TAF10: variants seen among roughly 807,000 people sequenced by gnomAD.
TAF10 encodes transcription initiation factor TFIID subunit 10.
In TAF10, 2 loss-of-function variants were observed where a neutral mutation model predicts 18.1. That is an observed-to-expected ratio of 0.11 (90% CI 0.05 to 0.35). The LOEUF is 0.35. Among genes scored for constraint, TAF10 ranks in the 10% least tolerant of loss-of-function variants. The pLI is 1.00. For synonymous variants in TAF10, 158 were observed against 134.6 expected (o/e 1.17, Z -1.20); for missense variants, 293 against 306.9 (o/e 0.95, Z 0.34).
In TAF10 at chr11:6,610,153, CAGA is replaced by C. The variant is rs1855357990; in HGVS notation, c.*766_*768del. 2.5e-6 allele frequency: 4 copies of C among 1,614,092 alleles called. No homozygotes were observed. Among genetic ancestry groups the C allele is most frequent in the Non-Finnish European group, 3.4e-6 (4 of 1,180,046 alleles). ...GACAAGCCCTATCTCTCCAGCTCTG[CAGA>C]AGAAGCCTGAAGACACAAACAGACG... On this transcript the variant is annotated 3_prime_UTR_variant, in exon 5 of 5. Coordinates refer to ENST00000299424, the MANE Select transcript of TAF10 (RefSeq NM_006284.4).
Position 6,611,236 on chromosome 11 carries a change from A to G in TAF10, c.520T>C (p.Cys174Arg). 6.2e-7 allele frequency: 1 copy of G among 1,614,120 alleles called. No homozygotes were observed. The highest frequency in any genetic ancestry group is 8.5e-7 in the Non-Finnish European group (1 of 1,180,038). ...CCGGAGGCCGTGCCCTTCATTTTGC[A>G]GTGCTGTAGGGCATCATTGGCAATA... ...SDIANDALQH[C>R]KMKGTASGSS... Residue 174 changes from cysteine (C) to arginine (R), a missense_variant, in exon 4 of 5, where the codon TGC (cysteine) becomes CGC (arginine). Transcript: ENST00000299424.
Position 6,612,177 on chromosome 11 carries a change from CG to C in TAF10, c.12del (p.Ser4ArgfsTer104). ...GCCGCCTCGGGGTCCGCGCCGGAGC[CG>C]CTGCAGCTCATCGGGCCGGTGGGAG... MSC[S>X]GSGADPEAAP... On this transcript the variant is annotated frameshift_variant, in exon 1 of 5. Transcript: ENST00000299424. LOFTEE classifies it high-confidence loss of function. 1 of 1,204,174 alleles carries C rather than the reference CG, an allele frequency of 8.3e-7. No homozygotes were observed. The highest frequency in any genetic ancestry group is 1.0e-6 in the Non-Finnish European group (1 of 966,658). 74.6% of individuals were successfully genotyped at this position (1,204,174 alleles called of 1,614,324 possible). A position where few individuals can be genotyped will look rare whatever the true frequency, so the allele number is the denominator to read the frequency against.
chr11:6,612,082 G>A lies in TAF10; in HGVS notation c.108C>T (p.Ser36=). Residue 36 remains serine, a synonymous_variant, in exon 1 of 5, where the codon AGC becomes AGT. Transcript: ENST00000299424. ...GGCTGGCCTTGTTCTCCGCGGCGGT[G>A]CTGGAGGGCAGCGCGGCGGGAGCCG... ...PVSAPAALPS[S]TAAENKASPA... 3 of 1,255,482 alleles carry A rather than the reference G, an allele frequency of 2.4e-6. No individual in the cohort carries two copies. Among genetic ancestry groups the A allele is most frequent in the Non-Finnish European group, 3.0e-6 (3 of 1,001,664 alleles). The allele number at this position is 1,255,482 out of a possible 1,614,324, so 77.8% of individuals were successfully genotyped here. A position where few individuals can be genotyped will look rare whatever the true frequency, so the allele number is the denominator to read the frequency against.
Position 6,610,247 on chromosome 11 carries a change from C to G in TAF10, c.*675G>C, listed in dbSNP as rs966713977. The G allele has an allele frequency of 6.2e-7, 1 of 1,614,118 alleles. No individual in the cohort carries two copies. Among genetic ancestry groups the G allele is most frequent in the African/African-American group, 1.3e-5 (1 of 74,944 alleles). Reference sequence around the variant, plus strand: ...CTGGTGACACGGGAGGTACCCTTTGCTGACCTCTCCAATATGGAGATTGGA... The same window carrying G: ...CTGGTGACACGGGAGGTACCCTTTGGTGACCTCTCCAATATGGAGATTGGA... On this transcript the variant is annotated 3_prime_UTR_variant, in exon 5 of 5. Coordinates refer to ENST00000299424, the MANE Select transcript of TAF10 (RefSeq NM_006284.4).
In TAF10 at chr11:6,608,130, A is replaced by G; in HGVS notation, c.*2792T>C. On this transcript the variant is annotated 3_prime_UTR_variant, in exon 5 of 5. Transcript: ENST00000299424. The surrounding 1 kb of genome is among the most constrained non-coding windows in gnomAD (Gnocchi z 4.9). ...TTGAGATGTTGATCATGCGGGGGGC[A>G]CGGATCAATGTAATGAACCGTGGGG... 2.5e-6 allele frequency: 4 copies of G among 1,614,100 alleles called. No homozygotes were observed. Among genetic ancestry groups the G allele is most frequent in the Non-Finnish European group, 1.7e-6 (2 of 1,179,992 alleles).
At position 6,610,785 on chromosome 11, in the gene TAF10, G is replaced by T; in HGVS notation, c.*137C>A. The T allele has an allele frequency of 7.5e-7, 1 of 1,328,328 alleles. No homozygotes were observed. Among genetic ancestry groups the T allele is most frequent in the Non-Finnish European group, 1.1e-6 (1 of 936,456 alleles). The allele number at this position is 1,328,328 out of a possible 1,614,324, so 82.3% of individuals were successfully genotyped here. On this transcript the variant is annotated 3_prime_UTR_variant, in exon 5 of 5. Coordinates refer to ENST00000299424, the MANE Select transcript of TAF10 (RefSeq NM_006284.4). ...ACCACTGTGGCCCCAAGAGGGGCGG[G>T]CTCAGAGCTTTGTCACTTGCCACAT... is the stretch of plus-strand genomic sequence containing the variant.
In TAF10 at chr11:6,610,443, T is replaced by A. The variant is rs1271478569; in HGVS notation, c.*479A>T. The A allele has an allele frequency of 6.2e-7, 1 of 1,614,194 alleles. No individual in the cohort carries two copies. The highest frequency in any genetic ancestry group is 8.5e-7 in the Non-Finnish European group (1 of 1,180,028). The stretch of plus-strand genomic sequence containing the variant: ...GACAGACTCAAATTGTGAGGCTGCT[T>A]TTTTTCTTGTATTCGCAGGTGGCAT... On this transcript the variant is annotated 3_prime_UTR_variant, in exon 5 of 5. Coordinates refer to ENST00000299424, the MANE Select transcript of TAF10 (RefSeq NM_006284.4).
rs1854966399 is a variant in TAF10, at chr11:6,606,888, C to T, written c.*4034G>A. 6.6e-6 allele frequency: 1 copy of T among 152,208 alleles called. No individual in the cohort carries two copies. The allele number at this position is 152,208 out of a possible 1,614,324, so 9.4% of individuals were successfully genotyped here. A position where few individuals can be genotyped will look rare whatever the true frequency, so the allele number is the denominator to read the frequency against. On this transcript the variant is annotated 3_prime_UTR_variant, in exon 5 of 5. Coordinates refer to ENST00000299424, the MANE Select transcript of TAF10 (RefSeq NM_006284.4). Reference sequence around the variant, plus strand: ...AAATTAAAGGTCTAGGAGGCAAGACCAACTGATAAACAGGGGGCGTAATGC... The same window carrying T: ...AAATTAAAGGTCTAGGAGGCAAGACTAACTGATAAACAGGGGGCGTAATGC...
chr11:6,610,996 G>A lies in TAF10; in HGVS notation c.583C>T (p.Leu195=), dbSNP rs757207867. The change falls in exon 5 of 5, where the codon CTA becomes TTA. Residue 195 remains leucine, a synonymous_variant. Transcript: ENST00000299424. The stretch of plus-strand genomic sequence containing the variant: ...GCAGGGGTCAAGTCCTCCATGGTTA[G>A]AGTGTACTTGCGGTCCTGAGGGAAG... The part of the protein sequence containing the change: ...RSKSKDRKYT[L]TMEDLTPALS... 1.2e-5 allele frequency: 20 copies of A among 1,614,034 alleles called. No individual in the cohort carries two copies. Among genetic ancestry groups the A allele is most frequent in the Non-Finnish European group, 1.4e-5 (17 of 1,180,044 alleles).
Position 6,610,749 on chromosome 11 carries a change from C to T in TAF10, c.*173G>A, listed in dbSNP as rs769678637. On this transcript the variant is annotated 3_prime_UTR_variant, in exon 5 of 5. Transcript: ENST00000299424. ...CCCCAGCCATGGGGTCCATCCCCTT[C>T]CCCCATCCCTACCACTGTGGCCCCA... The T allele has an allele frequency of 7.5e-7, 1 of 1,332,488 alleles. No individual in the cohort carries two copies. The highest frequency in any genetic ancestry group is 1.1e-6 in the Non-Finnish European group (1 of 939,082). 82.5% of individuals were successfully genotyped at this position (1,332,488 alleles called of 1,614,324 possible).
Position 6,608,586 on chromosome 11 carries a change from C to T in TAF10, c.*2336G>A. On this transcript the variant is annotated 3_prime_UTR_variant, in exon 5 of 5. Transcript: ENST00000299424. The surrounding 1 kb of genome is among the most constrained non-coding windows in gnomAD (Gnocchi z 4.9). ...CCCTCAACCCATTCTGTCAGTACTA[C>T]TGTGTGACACTTACAGGATTAAGTT... The T allele has an allele frequency of 1.5e-6, 2 of 1,321,002 alleles. No individual in the cohort carries two copies. The highest frequency in any genetic ancestry group is 2.2e-6 in the Non-Finnish European group (2 of 912,772). The allele number at this position is 1,321,002 out of a possible 1,614,324, so 81.8% of individuals were successfully genotyped here.
chr11:6,608,397 T>C lies in TAF10; in HGVS notation c.*2525A>G. The C allele has an allele frequency of 1.2e-6, 2 of 1,613,938 alleles. No individual in the cohort carries two copies. The highest frequency in any genetic ancestry group is 1.7e-6 in the Non-Finnish European group (2 of 1,179,760). ...TTTGTCTGGCCATGGGGTCCAGCTA[T>C]TGCAGTACAAGGCAGACATCAATGC... On this transcript the variant is annotated 3_prime_UTR_variant, in exon 5 of 5. Transcript: ENST00000299424. This position sits in a 1 kb window ranked among gnomAD's most constrained non-coding sequence, Gnocchi z 4.9.
chr11:6,611,162 A>C (rs778881680), intron 4 of TAF10, 27 bp downstream of exon 4: 7 of 1,607,736 alleles, frequency 4.4e-6, no homozygotes, highest in Non-Finnish European at 4.3e-6. Flanking sequence ...GAAGGTAATT[A>C]CTGATTCATT....
In TAF10 at chr11:6,609,840, G is replaced by A; in HGVS notation, c.*1082C>T. On this transcript the variant is annotated 3_prime_UTR_variant, in exon 5 of 5. Coordinates refer to ENST00000299424, the MANE Select transcript of TAF10 (RefSeq NM_006284.4). Reference sequence around the variant, plus strand: ...ACGACATGCACTCAATAGCCGTAGTGTAATGGTGAGGCCACAAGCTCACTC... The same window carrying A: ...ACGACATGCACTCAATAGCCGTAGTATAATGGTGAGGCCACAAGCTCACTC... 3 of 1,614,230 alleles carry A rather than the reference G, an allele frequency of 1.9e-6. No homozygotes were observed. The highest frequency in any genetic ancestry group is 2.5e-6 in the Non-Finnish European group (3 of 1,180,034).
At position 6,607,185 on chromosome 11, in the gene TAF10, C is replaced by G. The variant is rs1855004995; in HGVS notation, c.*3737G>C. 1 of 152,468 alleles carries G rather than the reference C, an allele frequency of 6.6e-6. No homozygotes were observed. Among genetic ancestry groups the G allele is most frequent in the African/African-American group, 2.4e-5 (1 of 41,458 alleles). 9.4% of individuals were successfully genotyped at this position (152,468 alleles called of 1,614,324 possible). A position where few individuals can be genotyped will look rare whatever the true frequency, so the allele number is the denominator to read the frequency against. The stretch of plus-strand genomic sequence containing the variant: ...CGCCCCTTGAATCTGCAGCCCCGAA[C>G]TGGAGGGAATTTCCTTTTATGGCCC... On this transcript the variant is annotated 3_prime_UTR_variant, in exon 5 of 5. Transcript: ENST00000299424.
In TAF10 at chr11:6,607,388, C is replaced by G. The variant is rs926494080; in HGVS notation, c.*3534G>C. 1 of 153,182 alleles carries G rather than the reference C, an allele frequency of 6.5e-6. No individual in the cohort carries two copies. The highest frequency in any genetic ancestry group is 1.5e-5 in the Non-Finnish European group (1 of 68,710). 9.5% of individuals were successfully genotyped at this position (153,182 alleles called of 1,614,324 possible). On this transcript the variant is annotated 3_prime_UTR_variant, in exon 5 of 5. Transcript: ENST00000299424. ...AGGATTGCTAAGTAGGGGAATCCTG[C>G]TTTGCATGGTGGTTTGTTATCTACC...
At position 6,608,064 on chromosome 11, in the gene TAF10, C is replaced by T. The variant is rs540611747; in HGVS notation, c.*2858G>A. On this transcript the variant is annotated 3_prime_UTR_variant, in exon 5 of 5. Coordinates refer to ENST00000299424, the MANE Select transcript of TAF10 (RefSeq NM_006284.4). The surrounding 1 kb of genome is among the most constrained non-coding windows in gnomAD (Gnocchi z 4.9). Reference sequence around the variant, plus strand: ...CTCAAAGGGACGATCATGGCTTCTCCCCCTTGCACTGGGCCTGCCGAGAGG... The same window carrying T: ...CTCAAAGGGACGATCATGGCTTCTCTCCCTTGCACTGGGCCTGCCGAGAGG... 6.2e-7 allele frequency: 1 copy of T among 1,614,122 alleles called. No homozygotes were observed. Among genetic ancestry groups the T allele is most frequent in the South Asian group, 1.1e-5 (1 of 91,068 alleles).
chr11:6,611,933 C>CGCCCTCACCCGTCCCG (rs981809542), intron 1 of TAF10, 25 bp downstream of exon 1: 42 of 1,575,130 alleles, frequency 2.7e-5, no homozygotes, highest in Non-Finnish European at 3.4e-5. Flanking sequence ...ACGCTTCCCT[C>CGCCCTCACCCGTCCCG]GCCCTCACCC....
rs200151088 is a variant in TAF10, at chr11:6,608,718, G to T, written c.*2204C>A. Reference sequence around the variant, plus strand: ...GGACCTGGTGGCAAATGGGGCCCTTGTCAGCATCTGTAACAAGTATGGAGA... The same window carrying T: ...GGACCTGGTGGCAAATGGGGCCCTTTTCAGCATCTGTAACAAGTATGGAGA... On this transcript the variant is annotated 3_prime_UTR_variant, in exon 5 of 5. Coordinates refer to ENST00000299424, the MANE Select transcript of TAF10 (RefSeq NM_006284.4). The surrounding 1 kb of genome is among the most constrained non-coding windows in gnomAD (Gnocchi z 4.9). The T allele has an allele frequency of 1.2e-6, 2 of 1,614,110 alleles. No individual in the cohort carries two copies. The highest frequency in any genetic ancestry group is 1.3e-5 in the African/African-American group (1 of 75,032).
Sources: allele counts gnomAD v4.1 joint callset, GRCh38; gene constraint gnomAD v4.1.1; non-coding constraint Gnocchi (gnomAD v3.1); transcripts MANE v1.5; gene names NCBI Gene and HGNC (gene_info 2026-07-23, HGNC 2026-07-21).